Variants in PISD observed in about 807,000 individuals in gnomAD.
PISD encodes phosphatidylserine decarboxylase proenzyme, mitochondrial.
PISD carries 31 observed loss-of-function variants against 43.5 expected under a neutral mutation model. That is an observed-to-expected ratio of 0.71 (90% CI 0.54 to 0.96). The LOEUF is 0.96. Among genes scored for constraint, PISD ranks in the 40% least tolerant of loss-of-function variants. The pLI is 0.00. For synonymous variants in PISD, 259 were observed against 228.7 expected, an observed-to-expected ratio of 1.13 and a Z score of -1.20; for missense variants, 523 against 548.4, an observed-to-expected ratio of 0.95 and a Z score of 0.46.
chr22:31,662,098 TC>T, intron 1 of PISD, 45 bp downstream of exon 1: 1 of 1,544,324 alleles, frequency 6.5e-7, no homozygotes, highest in Admixed American at 1.7e-5. Context: ...CCCAGCTTGG[TC>T]CAGGTTGCCC....
At chr22:31,661,749 A>G (rs2074324000) in intron 1 of PISD, among the ~76,000 whole-genome samples, 1 of 152,096 alleles carries the variant, frequency 6.6e-6, no homozygotes, top group Admixed American at 6.6e-5. Context: ...AGATCCAGAA[A>G]TGAAAGTTGC....
Position 31,662,194 on chromosome 22 carries a change from C to G in PISD, c.15G>C (p.Val5=). The G allele has an allele frequency of 1.2e-6, 2 of 1,604,844 alleles. No individual in the cohort carries two copies. The highest frequency in any genetic ancestry group is 3.3e-5 in the Admixed American group (2 of 60,024). ...GCAGTAATCCCAGACATCGGTGCCCCACGGACGTCGCCATCTTGTCTGCTC... is the reference window on the plus strand; with the variant it reads ...GCAGTAATCCCAGACATCGGTGCCCGACGGACGTCGCCATCTTGTCTGCTC... The part of the protein sequence containing the change: MATS[V]GHRCLGLLHG... Residue 5 remains valine (V), a synonymous_variant, in exon 1 of 8, where the codon GTG becomes GTC. Coordinates refer to ENST00000439502, the MANE Select transcript of PISD (RefSeq NM_001326411.2).
intron 3 of PISD, among the ~76,000 whole-genome samples, chr22:31,637,963 G>T (rs908174618): frequency 4.6e-5 from 7 of 152,256 alleles, no homozygotes; most frequent in Admixed American, 4.6e-4. Context: ...CCAGAAATAA[G>T]GCTCGGCCCC....
rs2073012551 is a variant in PISD at position 31,628,194 on chromosome 22, G to A, written c.322-6309C>T. The A allele has an allele frequency of 6.1e-6, 6 of 985,346 alleles. No homozygotes were observed. In the South Asian group the frequency reaches 1.4e-4, roughly 23 times the overall value. 61.0% of individuals were successfully genotyped at this position (985,346 alleles called of 1,614,324 possible). ...TGCCCCAGGACACAGGCTGAGCACC[G>A]TCTGTCCCTCTCAGAGCTGCAGGAT... On this transcript the variant is annotated intron_variant, in intron 3 of 7. Coordinates refer to ENST00000439502, the MANE Select transcript of PISD (RefSeq NM_001326411.2).
intron 3 of PISD, among the ~76,000 whole-genome samples, chr22:31,622,672 C>A (rs1313544677): frequency 6.6e-6 from 1 of 152,230 alleles, no homozygotes; most frequent in Non-Finnish European, 1.5e-5. Flanking sequence ...TCCCCTCAGG[C>A]CCCTCTGTTC....
chr22:31,622,211 G>C (rs1195393587), intron 3 of PISD, among the ~76,000 whole-genome samples: 1 of 152,236 alleles, frequency 6.6e-6, no homozygotes, highest in Admixed American at 6.5e-5. Flanking sequence ...AAACGGATCT[G>C]ATCCTAACCA....
At chr22:31,662,014 G>T in intron 1 of PISD, 130 bp downstream of exon 1, 1 of 783,742 alleles carries the variant, frequency 1.3e-6, no homozygotes, top group South Asian at 1.5e-5. Context: ...CTAAGCTCGA[G>T]GTGAAGGTGG....
intron 4 of PISD, 65 bp downstream of exon 4, chr22:31,621,584 G>C (rs2072581163): frequency 6.3e-6 from 10 of 1,588,234 alleles, no homozygotes; most frequent in South Asian, 3.4e-5. Context: ...TGGAGACCAG[G>C]GGGGCTGTGC....
At chr22:31,649,777 C>T (rs560502119) in intron 2 of PISD, among the ~76,000 whole-genome samples, 122 of 152,090 alleles carry the variant, frequency 8.0e-4, no homozygotes, top group African/African-American at 2.8e-3. Context: ...AATGAGGTTG[C>T]CAAGGTGTGT....
intron 3 of PISD, among the ~76,000 whole-genome samples, chr22:31,622,657 AGTC>A (rs1435202107): frequency 2.6e-5 from 4 of 152,248 alleles, no homozygotes; most frequent in African/African-American, 9.6e-5. Context: ...GGCAAAGAGA[AGTC>A]ATCCCCTCAG....
intron 1 of PISD, among the ~76,000 whole-genome samples, chr22:31,651,000 G>C (rs2074015894): frequency 6.6e-6 from 1 of 152,084 alleles, no homozygotes; most frequent in African/African-American, 2.4e-5. Context: ...GACTTGCTCT[G>C]TCACCCAGGC....
At position 31,621,829 on chromosome 22, in the gene PISD, G is replaced by A. The variant is rs1235684617; in HGVS notation, c.378C>T (p.Leu126=). ...TRLLSRAWGR[L]NQVELPHWLR... The stretch of plus-strand genomic sequence containing the variant: ...GCCAGTGTGGCAGCTCCACCTGATT[G>A]AGGCGACCCCAGGCCCGTGACAGCA... Residue 126 remains leucine (L), a synonymous_variant, in exon 4 of 8, where the codon CTC becomes CTT. Transcript: ENST00000439502. 6.2e-7 allele frequency: 1 copy of A among 1,612,934 alleles called. No individual in the cohort carries two copies. Among genetic ancestry groups the A allele is most frequent in the Admixed American group, 1.7e-5 (1 of 60,034 alleles).
intron 1 of PISD, among the ~76,000 whole-genome samples, chr22:31,660,198 C>T (rs1017912840): frequency 9.2e-5 from 14 of 152,068 alleles, no homozygotes; most frequent in Non-Finnish European, 7.4e-5. Flanking sequence ...ATATAGAATA[C>T]CTTTGAAAAT....
chr22:31,622,514 C>A (rs116546080), intron 3 of PISD, among the ~76,000 whole-genome samples: 1,682 of 152,320 alleles, frequency 0.011, 30 homozygotes, highest in African/African-American at 0.038. Flanking sequence ...CTCTTGAGGG[C>A]CTGGATGCAG....
At chr22:31,646,528 G>A (rs62239169) in intron 3 of PISD, among the ~76,000 whole-genome samples, 6,730 of 152,266 alleles carry the variant, frequency 0.044, 132 homozygotes, top group Non-Finnish European at 0.05. Flanking sequence ...TTTTGGAAGT[G>A]GCAGGTTTCT....
At chr22:31,660,175 C>G (rs985972687) in intron 1 of PISD, among the ~76,000 whole-genome samples, 7 of 152,168 alleles carry the variant, frequency 4.6e-5, no homozygotes, top group Non-Finnish European at 8.8e-5. Flanking sequence ...GTATTAATAT[C>G]ATTTCTATCT....
At position 31,662,212 on chromosome 22, in the gene PISD, G is replaced by C. The variant is rs546814237; in HGVS notation, c.-4C>G. On this transcript the variant is annotated 5_prime_UTR_variant, in exon 1 of 8. Transcript: ENST00000439502. ...GGTGCCCCACGGACGTCGCCATCTT[G>C]TCTGCTCCTTCTCAGCGTGCCACGC... 12 of 1,602,992 alleles carry C rather than the reference G, an allele frequency of 7.5e-6. No individual in the cohort carries two copies. Among genetic ancestry groups the C allele is most frequent in the South Asian group, 3.3e-5 (3 of 91,092 alleles).
At chr22:31,649,085 C>T (rs1269047668) in intron 2 of PISD, among the ~76,000 whole-genome samples, 3 of 152,068 alleles carry the variant, frequency 2.0e-5, no homozygotes, top group Admixed American at 2.0e-4. Context: ...CCAGGCACAG[C>T]GGCTTGCACC....
At chr22:31,641,071 G>T (rs2073711040) in intron 3 of PISD, among the ~76,000 whole-genome samples, 1 of 149,606 alleles carries the variant, frequency 6.7e-6, no homozygotes, top group African/African-American at 2.5e-5. Context: ...GTATTTAGTA[G>T]AAGAGGGGTT....
Sources: gnomAD v4.1 joint callset for allele counts (sites outside exome capture counted in the v4.1 genomes callset) on GRCh38, gnomAD v4.1.1 for gene constraint, MANE v1.5 for transcripts, NCBI Gene and HGNC (gene_info 2026-07-23, HGNC 2026-07-21) for gene names.